The following PHYHIPL variants were observed in gnomAD, a reference collection of about 807,000 sequenced individuals.
PHYHIPL encodes the protein phytanoyl-CoA hydroxylase-interacting protein-like.
A neutral mutation model predicts 33.4 loss-of-function variants in PHYHIPL; 9 were observed. The observed-to-expected ratio is 0.27, with a 90% CI of 0.16 to 0.47. PHYHIPL has a LOEUF of 0.47. PHYHIPL is among the 20% of genes least tolerant of loss of function. PHYHIPL has a pLI of 0.99. For missense variants in PHYHIPL, 365 were observed against 460.7 expected, an observed-to-expected ratio of 0.79 and a Z score of 1.90; for synonymous variants, 153 against 154.1, an observed-to-expected ratio of 0.99 and a Z score of 0.05.
chr10:59,224,520 A>G (rs1455067540), intron 1 of PHYHIPL, among the ~76,000 whole-genome samples: 3 of 152,168 alleles, frequency 2.0e-5, no homozygotes, highest in Non-Finnish European at 4.4e-5. Flanking sequence ...AAAACAAAAC[A>G]AAACAGAAGA....
At chr10:59,236,822 G>A (rs752836814) in intron 3 of PHYHIPL, among the ~76,000 whole-genome samples, 165 bp downstream of exon 3, 35 of 151,856 alleles carry the variant, frequency 2.3e-4, no homozygotes, top group Admixed American at 9.2e-4. Context: ...TGTATTGATT[G>A]GAGGAAGCTG....
At chr10:59,211,301 C>T (rs993902387) in intron 1 of PHYHIPL, among the ~76,000 whole-genome samples, 1 of 152,040 alleles carries the variant, frequency 6.6e-6, no homozygotes, top group African/African-American at 2.4e-5. Flanking sequence ...CACTTGAGCC[C>T]AGGACTTTGA....
At position 59,238,605 on chromosome 10, in the gene PHYHIPL, C is replaced by G; in HGVS notation, c.496C>G (p.Leu166Val). Residue 166 changes from leucine (L) to valine (V), a missense_variant, in exon 4 of 5, where the codon CTA becomes GTA. Physicochemically the swap from Leu to Val is conservative, Grantham distance 32. Transcript: ENST00000373880. Reference sequence around the variant, plus strand: ...TTTTCCAGACTATTCAAAAGTTCATCTAACACAATTGTTGGAGAAGGCTGA... The same window carrying G: ...TTTTCCAGACTATTCAAAAGTTCATGTAACACAATTGTTGGAGAAGGCTGA... ...FCTADYSKVHLTQLLEKAEVI... is the reference protein window; with the variant it reads ...FCTADYSKVHVTQLLEKAEVI... The G allele has an allele frequency of 6.2e-7, 1 of 1,607,926 alleles. No individual in the cohort carries two copies. The highest frequency in any genetic ancestry group is 8.5e-7 in the Non-Finnish European group (1 of 1,175,300).
intron 1 of PHYHIPL, among the ~76,000 whole-genome samples, chr10:59,193,637 T>G (rs1838836251): frequency 6.6e-6 from 1 of 152,178 alleles, no homozygotes; most frequent in Admixed American, 6.5e-5. Context: ...AACTTATTTT[T>G]CTTGCAGACT....
chr10:59,213,855 A>G (rs1839534971), intron 1 of PHYHIPL, among the ~76,000 whole-genome samples: 1 of 152,176 alleles, frequency 6.6e-6, no homozygotes, highest in African/African-American at 2.4e-5. Context: ...GAAGAAAACA[A>G]AGGATGAAGC....
chr10:59,239,448 TGG>T lies in PHYHIPL; in HGVS notation c.596+745_596+746del, dbSNP rs566060708. On this transcript the variant is annotated intron_variant, in intron 4 of 4. Transcript: ENST00000373880. ...TCCCCATAATTCAATCAACTCCCACTGGGTTCCTCCCATGACATGTGGGAATT... is the reference window on the plus strand; with the variant it reads ...TCCCCATAATTCAATCAACTCCCACTGTTCCTCCCATGACATGTGGGAATT... Among the ~76,000 whole-genome samples, 365 of 152,122 alleles carry T rather than the reference TGG, an allele frequency of 2.4e-3. 2 individuals carry two copies. The highest frequency in any genetic ancestry group is 8.2e-3 in the African/African-American group (340 of 41,528).
chr10:59,177,611 T>C (rs1838288611), intron 1 of PHYHIPL: 3 of 1,551,692 alleles, frequency 1.9e-6, no homozygotes, highest in Non-Finnish European at 2.6e-6. Context: ...ATTCAGACTT[T>C]GTGGCGAGTA....
At chr10:59,240,786 G>A (rs1840372796) in intron 4 of PHYHIPL, among the ~76,000 whole-genome samples, 1 of 152,082 alleles carries the variant, frequency 6.6e-6, no homozygotes, top group Admixed American at 6.6e-5. Flanking sequence ...CTGGAGGGCA[G>A]TATCTCTCTG....
At chr10:59,219,175 A>G in intron 1 of PHYHIPL, 1 of 790,766 alleles carries the variant, frequency 1.3e-6, no homozygotes, top group Non-Finnish European at 1.5e-6. Context: ...CCTCATAATC[A>G]TATTTGGATT....
upstream of PHYHIPL, among the ~76,000 whole-genome samples, chr10:59,173,939 T>G (rs927560656): frequency 1.9e-4 from 20 of 106,408 alleles, no homozygotes; most frequent in Middle Eastern, 4.3e-3. Flanking sequence ...TTTTTTTTTT[T>G]TTTTTTTTTT....
chr10:59,181,355 TA>T (rs1469782398), intron 1 of PHYHIPL, among the ~76,000 whole-genome samples: 1 of 152,130 alleles, frequency 6.6e-6, no homozygotes, highest in Non-Finnish European at 1.5e-5. Flanking sequence ...GTAATTACTA[TA>T]ATCTGTAAAT....
intron 4 of PHYHIPL, among the ~76,000 whole-genome samples, chr10:59,243,054 G>GA (rs1375904858): frequency 1.3e-5 from 2 of 150,448 alleles, no homozygotes; most frequent in Non-Finnish European, 3.0e-5. Flanking sequence ...TTCAAGCTGA[G>GA]AAAACCCTAA....
intron 3 of PHYHIPL, among the ~76,000 whole-genome samples, chr10:59,238,058 G>A (rs1233430834): frequency 2.0e-5 from 3 of 151,742 alleles, no homozygotes; most frequent in African/African-American, 4.8e-5. Flanking sequence ...CTAGTTTCTG[G>A]TGTAGGAGTT....
intron 1 of PHYHIPL, among the ~76,000 whole-genome samples, chr10:59,220,183 TAAATA>T (rs1214159890): frequency 2.0e-5 from 3 of 152,112 alleles, no homozygotes; most frequent in African/African-American, 7.2e-5. Context: ...AGTCAACTAT[TAAATA>T]AATTAAAGTT....
chr10:59,187,487 G>A (rs1414529974), intron 1 of PHYHIPL, among the ~76,000 whole-genome samples: 3 of 152,198 alleles, frequency 2.0e-5, no homozygotes, highest in African/African-American at 7.2e-5. Context: ...CATAAAATGA[G>A]TTAGGGAGGA....
intron 1 of PHYHIPL, among the ~76,000 whole-genome samples, chr10:59,188,006 A>T (rs1838664353): frequency 6.6e-6 from 1 of 152,108 alleles, no homozygotes. Flanking sequence ...GGCTTCTGCT[A>T]GCTTTTGAAT....
At chr10:59,184,604 G>A (rs1470519099) in intron 1 of PHYHIPL, among the ~76,000 whole-genome samples, 62 of 152,014 alleles carry the variant, frequency 4.1e-4, no homozygotes, top group Non-Finnish European at 2.9e-5. Flanking sequence ...GCATCTGATA[G>A]GCAGTGACGG....
intron 1 of PHYHIPL, among the ~76,000 whole-genome samples, chr10:59,200,813 C>G (rs905560619): frequency 5.5e-4 from 83 of 152,230 alleles, no homozygotes; most frequent in African/African-American, 1.9e-3. Flanking sequence ...AGAATTTATC[C>G]ATTTCTCCTA....
At chr10:59,190,303 C>A (rs904729941) in intron 1 of PHYHIPL, among the ~76,000 whole-genome samples, 1 of 151,696 alleles carries the variant, frequency 6.6e-6, no homozygotes, top group African/African-American at 2.4e-5. Flanking sequence ...AGTCATCTGG[C>A]CTTTTCAGGA....
Sources: allele counts gnomAD v4.1 joint callset (sites outside exome capture counted in the v4.1 genomes callset), GRCh38; gene constraint gnomAD v4.1.1; transcripts MANE v1.5; gene names NCBI Gene and HGNC (gene_info 2026-07-23, HGNC 2026-07-21).